The following STK32B variants were observed in gnomAD, a reference collection of about 807,000 sequenced individuals.
The protein encoded by STK32B is serine/threonine-protein kinase 32B.
STK32B carries 43 observed loss-of-function variants against 52.6 expected under a neutral mutation model. The observed-to-expected ratio is 0.82, with a 90% CI of 0.64 to 1.05. STK32B has a LOEUF of 1.05. Ranked by LOEUF, STK32B falls within the 50% of genes least tolerant of loss-of-function variation. The pLI, the probability that STK32B is intolerant of heterozygous loss-of-function variation, is 0.00. For synonymous variants in STK32B, 238 were observed against 204.3 expected, an observed-to-expected ratio of 1.17 and a Z score of -1.41; for missense variants, 621 against 534.6, an observed-to-expected ratio of 1.16 and a Z score of -1.59.
chr4:5,105,808 C>A (rs1714075189), intron 1 of STK32B, among the ~76,000 whole-genome samples: 1 of 151,948 alleles, frequency 6.6e-6, no homozygotes, highest in South Asian at 2.1e-4. Flanking sequence ...AGTGATCCAC[C>A]CGCCTCGGCC....
At chr4:5,263,871 T>C (rs1466343335) in intron 3 of STK32B, among the ~76,000 whole-genome samples, 1 of 152,242 alleles carries the variant, frequency 6.6e-6, no homozygotes, top group East Asian at 1.9e-4. Context: ...ACTGTGCTTA[T>C]TTCTATCACC....
chr4:5,468,167 TGAC>T (rs1717588189), intron 11 of STK32B, 97 bp downstream of exon 11: 1 of 1,302,662 alleles, frequency 7.7e-7, no homozygotes, highest in African/African-American at 1.4e-5. Context: ...AAACCGGCCT[TGAC>T]GACAAAAGGG....
intron 3 of STK32B, among the ~76,000 whole-genome samples, chr4:5,205,731 T>C (rs1005358277): frequency 3.2e-4 from 48 of 147,728 alleles, no homozygotes; most frequent in African/African-American, 1.1e-3. Context: ...TGTGTGTGTG[T>C]GCATTTAGGA....
chr4:5,172,856 A>G (rs1440753355), intron 3 of STK32B, among the ~76,000 whole-genome samples: 6 of 152,142 alleles, frequency 3.9e-5, no homozygotes, highest in Admixed American at 1.3e-4. Flanking sequence ...GTCTTTTTCT[A>G]TTGATTGGAA....
intron 1 of STK32B, among the ~76,000 whole-genome samples, chr4:5,120,969 T>G (rs1053834535): frequency 4.6e-5 from 7 of 152,100 alleles, no homozygotes; most frequent in Non-Finnish European, 8.8e-5. Flanking sequence ...TACAGGTGGA[T>G]TTTGGTTACA....
intron 3 of STK32B, among the ~76,000 whole-genome samples, chr4:5,262,538 T>A (rs1321281268): frequency 6.7e-6 from 1 of 149,002 alleles, no homozygotes; most frequent in African/African-American, 2.5e-5. Flanking sequence ...GGCAGGAGAA[T>A]GGCGTGAACC....
chr4:5,425,434 T>C (rs1003748619), intron 6 of STK32B, among the ~76,000 whole-genome samples: 6 of 151,296 alleles, frequency 4.0e-5, no homozygotes, highest in Non-Finnish European at 7.4e-5. Flanking sequence ...GAGGCTCCAC[T>C]GTCCATTATC....
chr4:5,324,496 A>C (rs1204835099), intron 3 of STK32B, among the ~76,000 whole-genome samples: 1 of 152,154 alleles, frequency 6.6e-6, no homozygotes, highest in East Asian at 1.9e-4. Flanking sequence ...TTCTTAAAGG[A>C]GGGAGCGTCA....
intron 11 of STK32B, among the ~76,000 whole-genome samples, chr4:5,489,734 C>T (rs548387167): frequency 6.6e-6 from 1 of 152,118 alleles, no homozygotes; most frequent in Middle Eastern, 3.4e-3. Flanking sequence ...GATTCCCCTG[C>T]CTCAACCAAC....
intron 6 of STK32B, among the ~76,000 whole-genome samples, chr4:5,418,280 A>G (rs1712325953): frequency 6.8e-6 from 1 of 146,114 alleles, no homozygotes; most frequent in Admixed American, 6.8e-5. Context: ...ACTTATAATA[A>G]CTTGGTATGG....
Position 5,395,113 on chromosome 4 carries a change from C to T in STK32B, c.435-3094C>T, listed in dbSNP as rs1454000814. ...TTCTTGCTACATATAGGCCAGCGGT[C>T]ACTCTTCCTCCCAGGGACAGCTACA... On this transcript the variant is annotated intron_variant, in intron 4 of 11. Transcript: ENST00000282908. The surrounding 1 kb of genome is among the most constrained non-coding windows in gnomAD (Gnocchi z 4.4). 1.3e-5 allele frequency among the ~76,000 whole-genome samples: 2 copies of T among 152,158 alleles called. 1 individual carries two copies. Among genetic ancestry groups the T allele is most frequent in the Non-Finnish European group, 2.9e-5 (2 of 68,038 alleles).
intron 3 of STK32B, among the ~76,000 whole-genome samples, chr4:5,305,960 A>T (rs1729900665): frequency 6.6e-6 from 1 of 152,054 alleles, no homozygotes; most frequent in Admixed American, 6.6e-5. Flanking sequence ...TTCATTGTTG[A>T]TCCAGTGATC....
Position 5,100,359 on chromosome 4 carries a change from C to G in STK32B, c.53-39546C>G, listed in dbSNP as rs549588803. Among the ~76,000 whole-genome samples, 138 of 141,034 alleles carry G rather than the reference C, an allele frequency of 9.8e-4. 1 individual carries two copies. The highest frequency in any genetic ancestry group is 7.5e-3 in the Middle Eastern group (2 of 268). 92.5% of individuals were successfully genotyped at this position (141,034 alleles called of 152,430 possible). The stretch of plus-strand genomic sequence containing the variant: ...TCCCTCCCTTCCTTCCTTCCTCCCC[C>G]CAGCTGCCTTTCTTGCCTTCTTCTT... On this transcript the variant is annotated intron_variant, in intron 1 of 11. Transcript: ENST00000282908.
chr4:5,215,486 C>G (rs953450298), intron 3 of STK32B, among the ~76,000 whole-genome samples: 2 of 152,156 alleles, frequency 1.3e-5, no homozygotes, highest in Non-Finnish European at 2.9e-5. Flanking sequence ...GAACAATTTC[C>G]TTTTGATTTC....
intron 4 of STK32B, among the ~76,000 whole-genome samples, chr4:5,373,196 T>A (rs1218920965): frequency 6.6e-6 from 1 of 152,144 alleles, no homozygotes; most frequent in Non-Finnish European, 1.5e-5. Context: ...CCAGCTATAT[T>A]AGGATTCTCC....
At chr4:5,329,361 T>G (rs1457268963) in intron 3 of STK32B, among the ~76,000 whole-genome samples, 1 of 152,206 alleles carries the variant, frequency 6.6e-6, no homozygotes, top group Non-Finnish European at 1.5e-5. Flanking sequence ...CTCCGCTGTT[T>G]GTGCAGGTTG....
Position 5,372,275 on chromosome 4 carries a change from G to C in STK32B, c.435-25932G>C, listed in dbSNP as rs187554375. ...ATTCTGATGAATGTCTGACCCATGA[G>C]TGAAGGAGGAGCAGCACCTTTTGAA... On this transcript the variant is annotated intron_variant, in intron 4 of 11. Coordinates refer to ENST00000282908, the MANE Select transcript of STK32B (RefSeq NM_018401.3). 3.0e-3 allele frequency among the ~76,000 whole-genome samples: 450 copies of C among 152,346 alleles called. 4 individuals carry two copies. The highest frequency in any genetic ancestry group is 0.01 in the African/African-American group (420 of 41,586).
intron 3 of STK32B, among the ~76,000 whole-genome samples, chr4:5,255,366 C>T (rs1334504866): frequency 6.6e-6 from 1 of 152,132 alleles, no homozygotes; most frequent in African/African-American, 2.4e-5. Flanking sequence ...ATTTTCAGAT[C>T]ATCACAACCA....
intron 3 of STK32B, among the ~76,000 whole-genome samples, chr4:5,266,989 G>A (rs983984742): frequency 6.6e-6 from 1 of 152,080 alleles, no homozygotes; most frequent in African/African-American, 2.4e-5. Flanking sequence ...AGGCCAACCA[G>A]AGGGCTCCCC....
Sources: gnomAD v4.1 joint callset for allele counts (sites outside exome capture counted in the v4.1 genomes callset) on GRCh38, gnomAD v4.1.1 for gene constraint, Gnocchi (gnomAD v3.1) non-coding constraint, MANE v1.5 for transcripts, NCBI Gene and HGNC (gene_info 2026-07-23, HGNC 2026-07-21) for gene names.